The following AP3B2 variants were observed in gnomAD, a reference collection of about 807,000 sequenced individuals.
AP3B2 encodes the protein adaptor related protein complex 3 subunit beta 2.
AP3B2 carries 50 observed loss-of-function variants against 126.9 expected under a neutral mutation model. The observed-to-expected ratio is 0.39, with a 90% CI of 0.31 to 0.50. The LOEUF is 0.50. Among genes scored for constraint, AP3B2 ranks in the 20% least tolerant of loss-of-function variants. AP3B2 has a pLI of 0.79. For synonymous variants in AP3B2, 541 were observed against 565.0 expected (o/e 0.96, Z 0.60); for missense variants, 1,177 against 1,426.4 (o/e 0.83, Z 2.82).
chr15:82,680,477 G>A lies in AP3B2; in HGVS notation c.1050C>T (p.Ser350=). 6.7e-7 allele frequency: 1 copy of A among 1,502,304 alleles called. No individual in the cohort carries two copies. The highest frequency in any genetic ancestry group is 8.9e-7 in the Non-Finnish European group (1 of 1,128,686). 93.1% of individuals were successfully genotyped at this position (1,502,304 alleles called of 1,614,324 possible). The change falls in exon 8 of 27, where the codon AGC becomes AGT. Residue 350 remains serine, a synonymous_variant. Transcript: ENST00000535359. The surrounding 1 kb of genome is among the most constrained non-coding windows in gnomAD (Gnocchi z 6.1). The part of the protein sequence containing the change: ...IAKALVRLLR[S]HSEVQYVVLQ... Reference sequence around the variant, plus strand: ...GGGCTGGGGGCGGAGCGCACCTGTGGCTGCGCAGCAGGCGCACCAGCGCCT... The same window carrying A: ...GGGCTGGGGGCGGAGCGCACCTGTGACTGCGCAGCAGGCGCACCAGCGCCT...
At chr15:82,677,446 G>C (rs933382524) in intron 12 of AP3B2, 63 bp from the exon 13 acceptor site, 1 of 1,479,138 alleles carries the variant, frequency 6.8e-7, no homozygotes, top group East Asian at 2.3e-5. Flanking sequence ...CAGGTGGACA[G>C]ACACACCTGC....
In AP3B2 at chr15:82,680,600, G is replaced by C; in HGVS notation, c.927C>G (p.Thr309=). 6.3e-7 allele frequency: 1 copy of C among 1,595,570 alleles called. No individual in the cohort carries two copies. The highest frequency in any genetic ancestry group is 2.2e-5 in the East Asian group (1 of 44,690). Residue 309 remains threonine, a synonymous_variant, in exon 8 of 27, where the codon ACC becomes ACG. Transcript: ENST00000535359. The surrounding 1 kb of genome is among the most constrained non-coding windows in gnomAD (Gnocchi z 6.1). ...DPDHRLLLRN[T]KPLLQSRSAA... is the part of the protein sequence containing the mutation. ...CGCTGCGGCTCTGCAGCAGGGGTTT[G>C]GTGTTGCGCAGCAGCAGCCGGTGGT... is the stretch of plus-strand genomic sequence containing the variant.
chr15:82,704,785 T>C (rs1415952722), intron 1 of AP3B2, among the ~76,000 whole-genome samples: 1 of 152,252 alleles, frequency 6.6e-6, no homozygotes, highest in African/African-American at 2.4e-5. Flanking sequence ...TTTGGGTAAC[T>C]CTTACAGTGG....
intron 1 of AP3B2, chr15:82,691,852 G>A (rs1399462104): frequency 7.6e-7 from 1 of 1,316,688 alleles, no homozygotes; most frequent in Non-Finnish European, 1.1e-6. Context: ...AAACTCAGAT[G>A]TAGGAAGTTT....
chr15:82,677,041 G>C (rs2048254094), intron 13 of AP3B2, among the ~76,000 whole-genome samples: 1 of 152,174 alleles, frequency 6.6e-6, no homozygotes, highest in Non-Finnish European at 1.5e-5. Context: ...TAGAGCTTTA[G>C]AGAGAAAACA....
Position 82,665,124 on chromosome 15 carries a change from G to T in AP3B2, c.2028+123C>A. 1 of 1,158,182 alleles carries T rather than the reference G, an allele frequency of 8.6e-7. No individual in the cohort carries two copies. The highest frequency in any genetic ancestry group is 1.2e-6 in the Non-Finnish European group (1 of 810,940). 71.7% of individuals were successfully genotyped at this position (1,158,182 alleles called of 1,614,324 possible). On this transcript the variant is annotated intron_variant, in intron 17 of 26. Coordinates refer to ENST00000535359, the MANE Select transcript of AP3B2 (RefSeq NM_001278512.2). The surrounding 1 kb of genome is among the most constrained non-coding windows in gnomAD (Gnocchi z 4.4). The stretch of plus-strand genomic sequence containing the variant: ...TGGAGGGGAGGGAATGCTGCTCACA[G>T]AGGAGCACTGCCAAACCAAGGTGGA...
At chr15:82,698,726 T>C (rs1244503241) in intron 1 of AP3B2, among the ~76,000 whole-genome samples, 1 of 151,722 alleles carries the variant, frequency 6.6e-6, no homozygotes, top group Non-Finnish European at 1.5e-5. Context: ...GTTTGCCCAA[T>C]CTCCTTTAAC....
chr15:82,685,736 G>A (rs2048415323), intron 4 of AP3B2: 1 of 152,146 alleles, frequency 6.6e-6, no homozygotes, highest in Non-Finnish European at 1.5e-5. Flanking sequence ...TTAGTATCTT[G>A]ATTTCAGTGA....
intron 1 of AP3B2, 104 bp downstream of exon 1, chr15:82,709,490 G>C (rs1378637242): frequency 1.3e-6 from 1 of 765,360 alleles, no homozygotes; most frequent in African/African-American, 1.9e-5. Context: ...CGGCGCGGCC[G>C]GGGCGGGGCC....
chr15:82,664,838 T>G lies in AP3B2; in HGVS notation c.2134A>C (p.Ser712Arg). 1 of 1,589,510 alleles carries G rather than the reference T, an allele frequency of 6.3e-7. No individual in the cohort carries two copies. Among genetic ancestry groups the G allele is most frequent in the Non-Finnish European group, 8.6e-7 (1 of 1,166,918 alleles). The stretch of plus-strand genomic sequence containing the variant: ...CCCAGCTCTGCCATCTGCTCACCAC[T>G]GTCTGCGGACTCCGTGGGGCCTGAC... ...GESGPTESADSDPESESESDS... is the reference protein window; with the variant it reads ...GESGPTESADRDPESESESDS... The change falls in exon 18 of 27, where the codon AGT (serine) becomes CGT (arginine). Residue 712 changes from serine to arginine, a missense_variant. Physicochemically the swap from Ser to Arg is moderately radical, Grantham distance 110. Around this residue, in one of 5 missense-constraint regions of AP3B2, gnomAD observed 587 missense variants for 571.3 expected, o/e 1.03. Transcript: ENST00000535359. This position sits in a 1 kb window ranked among gnomAD's most constrained non-coding sequence, Gnocchi z 4.5.
chr15:82,679,976 G>A (rs1047021517), intron 9 of AP3B2, among the ~76,000 whole-genome samples, 176 bp from the exon 10 acceptor site: 1 of 151,906 alleles, frequency 6.6e-6, no homozygotes, highest in East Asian at 1.9e-4. Flanking sequence ...TTTTCCACTG[G>A]ACATCCCCTC....
chr15:82,689,305 C>T (rs2048483832), intron 2 of AP3B2, 73 bp from the exon 3 acceptor site: 16 of 1,612,104 alleles, frequency 9.9e-6, no homozygotes, highest in Non-Finnish European at 1.3e-5. Context: ...GGAAGGTCTA[C>T]AAGGAGCTAA....
chr15:82,709,577 C>T lies in AP3B2; in HGVS notation c.113+17G>A. 2.0e-6 allele frequency: 3 copies of T among 1,484,354 alleles called. No individual in the cohort carries two copies. The highest frequency in any genetic ancestry group is 1.5e-5 in the African/African-American group (1 of 68,350). 91.9% of individuals were successfully genotyped at this position (1,484,354 alleles called of 1,614,324 possible). ...CGGCCCCAACCCTCCCGCGAGCTTCCTGGCGGGCTCCCTCACCGCTTGTAG... is the reference window on the plus strand; with the variant it reads ...CGGCCCCAACCCTCCCGCGAGCTTCTTGGCGGGCTCCCTCACCGCTTGTAG... On this transcript the variant is annotated intron_variant, in intron 1 of 26. Transcript: ENST00000535359.
At chr15:82,679,347 C>T (rs1040058916) in intron 10 of AP3B2, among the ~76,000 whole-genome samples, 4 of 152,202 alleles carry the variant, frequency 2.6e-5, no homozygotes, top group African/African-American at 9.7e-5. Context: ...TGGTCTTGAA[C>T]TCCTGACCTC....
chr15:82,692,420 G>T (rs973348617), intron 1 of AP3B2: 4 of 447,154 alleles, frequency 8.9e-6, no homozygotes, highest in Admixed American at 4.6e-5. Context: ...GCTCTGAGGC[G>T]CTCAGCCGCA....
chr15:82,700,061 T>A (rs1202235134), intron 1 of AP3B2, among the ~76,000 whole-genome samples: 1 of 152,128 alleles, frequency 6.6e-6, no homozygotes, highest in Non-Finnish European at 1.5e-5. Flanking sequence ...AGACCAAGCC[T>A]ACCCCTAGTC....
chr15:82,702,006 T>C (rs2048726062), intron 1 of AP3B2, among the ~76,000 whole-genome samples: 2 of 152,216 alleles, frequency 1.3e-5, no homozygotes, highest in South Asian at 4.1e-4. Flanking sequence ...CAGCCTTTAG[T>C]TCACCTCTTG....
intron 10 of AP3B2, among the ~76,000 whole-genome samples, chr15:82,679,238 C>T (rs1010052720): frequency 2.0e-5 from 3 of 152,218 alleles, no homozygotes; most frequent in African/African-American, 4.8e-5. Flanking sequence ...ATTCTCTAGC[C>T]TCAGCCTCTC....
Position 82,666,738 on chromosome 15 carries a change from A to G in AP3B2, c.1852+9T>C, listed in dbSNP as rs367649965. On this transcript the variant is annotated intron_variant, in intron 15 of 26. Transcript: ENST00000535359. The stretch of plus-strand genomic sequence containing the variant: ...CCCTAGGAAGGTTACCCTTGATTTC[A>G]GCTCCCACCTTTGAAGGATGACTCC... 128 of 1,611,564 alleles carry G rather than the reference A, an allele frequency of 7.9e-5. No individual in the cohort carries two copies. Among genetic ancestry groups the G allele is most frequent in the Non-Finnish European group, 9.3e-5 (110 of 1,178,482 alleles).
Sources: allele counts gnomAD v4.1 joint callset (sites outside exome capture counted in the v4.1 genomes callset), GRCh38; gene constraint gnomAD v4.1.1; regional missense constraint gnomAD v4.1.1; non-coding constraint Gnocchi (gnomAD v3.1); transcripts MANE v1.5; gene names NCBI Gene and HGNC (gene_info 2026-07-23, HGNC 2026-07-21).